The following EPC2 variants were observed in gnomAD, a reference collection of about 807,000 sequenced individuals.
EPC2 encodes enhancer of polycomb 2, also known as enhancer of polycomb homolog 2.
Under a neutral mutation model 92.1 loss-of-function variants are expected in EPC2, and 14 were observed. That is an observed-to-expected ratio of 0.15 (90% confidence interval 0.10 to 0.24). The LOEUF (loss-of-function observed/expected upper bound fraction) is 0.24, where lower values mean the gene tolerates loss of function less well. Ranked by LOEUF, EPC2 falls within the 10% of genes least tolerant of loss-of-function variation. The pLI is 1.00. For missense variants in EPC2, 755 were observed against 971.5 expected, an observed-to-expected ratio of 0.78 and a Z score of 2.96; for synonymous variants, 340 against 334.7, an observed-to-expected ratio of 1.02 and a Z score of -0.17.
At chr2:148,698,681 C>A (rs1432359258) in intron 2 of EPC2, among the ~76,000 whole-genome samples, 20 of 104,680 alleles carry the variant, frequency 1.9e-4, no homozygotes, top group East Asian at 7.1e-4. Flanking sequence ...CTGATAGAAA[C>A]TAAGAAAGTA....
Position 148,765,937 on chromosome 2 carries a change from G to C in EPC2, c.1140+791G>C, listed in dbSNP as rs559310217. ...TGTAGTCCCCGCTACTCCTGAGGCT[G>C]ATCCAGGAGAATGGCGTGCACCTGG... On this transcript the variant is annotated intron_variant, in intron 7 of 13. Coordinates refer to ENST00000258484, the MANE Select transcript of EPC2 (RefSeq NM_015630.4). 3.3e-5 allele frequency among the ~76,000 whole-genome samples: 5 copies of C among 152,296 alleles called. No homozygotes were observed. In the South Asian group the frequency reaches 1.0e-3, roughly 32 times the overall value.
chr2:148,676,846 A>G (rs951332689), intron 1 of EPC2, among the ~76,000 whole-genome samples: 1 of 132,810 alleles, frequency 7.5e-6, no homozygotes, highest in African/African-American at 2.9e-5. Context: ...GACCATTTTT[A>G]TATAGCCATT....
chr2:148,652,317 C>A (rs1416823822), intron 1 of EPC2, among the ~76,000 whole-genome samples: 1 of 152,104 alleles, frequency 6.6e-6, no homozygotes, highest in East Asian at 1.9e-4. Flanking sequence ...AATTTGTATA[C>A]TTAGTGTGTT....
At chr2:148,775,165 T>C (rs1412632883) in intron 10 of EPC2, among the ~76,000 whole-genome samples, 1 of 152,018 alleles carries the variant, frequency 6.6e-6, no homozygotes, top group African/African-American at 2.4e-5. Flanking sequence ...AGATTGATTG[T>C]GGTGAACATG....
chr2:148,764,792 A>G (rs998597328), intron 6 of EPC2, among the ~76,000 whole-genome samples, 163 bp from the exon 7 acceptor site: 2 of 152,236 alleles, frequency 1.3e-5, no homozygotes, highest in African/African-American at 4.8e-5. Flanking sequence ...AGAAAGTAAA[A>G]CATGTTTCAA....
chr2:148,707,679 T>C (rs1394271868), intron 2 of EPC2, among the ~76,000 whole-genome samples: 10 of 152,062 alleles, frequency 6.6e-5, no homozygotes, highest in Admixed American at 6.6e-4. Context: ...AAATTAGAAC[T>C]CAGGATTAAG....
intron 1 of EPC2, among the ~76,000 whole-genome samples, chr2:148,648,773 GAC>G (rs1683856594): frequency 6.6e-6 from 1 of 152,128 alleles, no homozygotes; most frequent in Admixed American, 6.5e-5. Flanking sequence ...GTTACATTCT[GAC>G]AATGCCTGGA....
intron 2 of EPC2, among the ~76,000 whole-genome samples, chr2:148,729,462 A>C (rs1682574385): frequency 6.6e-6 from 1 of 152,212 alleles, no homozygotes; most frequent in South Asian, 2.1e-4. Context: ...TGTCAGAAGT[A>C]CATTATTATT....
At chr2:148,667,346 T>C (rs1681075550) in intron 1 of EPC2, among the ~76,000 whole-genome samples, 1 of 152,220 alleles carries the variant, frequency 6.6e-6, no homozygotes, top group South Asian at 2.1e-4. Flanking sequence ...CACTGTTATG[T>C]TTCAAACCAG....
At chr2:148,756,489 C>T (rs867677077) in intron 4 of EPC2, among the ~76,000 whole-genome samples, 2 of 152,310 alleles carry the variant, frequency 1.3e-5, no homozygotes, top group African/African-American at 4.8e-5. Context: ...AAGTCAAAAA[C>T]ACTTGTGTAG....
At chr2:148,741,070 G>T (rs1247611762) in intron 2 of EPC2, among the ~76,000 whole-genome samples, 3 of 152,074 alleles carry the variant, frequency 2.0e-5, no homozygotes, top group Non-Finnish European at 4.4e-5. Context: ...TAAAAGATAA[G>T]AGAAAAATGC....
chr2:148,728,201 A>G (rs1212552024), intron 2 of EPC2, among the ~76,000 whole-genome samples: 2 of 152,128 alleles, frequency 1.3e-5, no homozygotes, highest in Non-Finnish European at 2.9e-5. Context: ...TCGGCCTCCC[A>G]AAATACTAGG....
At chr2:148,650,689 T>C (rs1454353017) in intron 1 of EPC2, among the ~76,000 whole-genome samples, 1 of 152,180 alleles carries the variant, frequency 6.6e-6, no homozygotes, top group Non-Finnish European at 1.5e-5. Context: ...ATAATCCTGA[T>C]TGATACCTTT....
intron 2 of EPC2, among the ~76,000 whole-genome samples, chr2:148,719,073 G>GT (rs982275660): frequency 5.9e-5 from 9 of 151,784 alleles, no homozygotes; most frequent in Admixed American, 2.0e-4. Context: ...CTCGTGTTGT[G>GT]TTTTTTTAAC....
intron 1 of EPC2, among the ~76,000 whole-genome samples, chr2:148,650,681 A>G (rs942985365): frequency 2.0e-5 from 3 of 152,160 alleles, no homozygotes; most frequent in African/African-American, 7.2e-5. Context: ...GTAGGAATAT[A>G]ATCCTGATTG....
intron 2 of EPC2, among the ~76,000 whole-genome samples, chr2:148,717,372 G>T (rs955686776): frequency 6.6e-6 from 1 of 152,028 alleles, no homozygotes; most frequent in African/African-American, 2.4e-5. Context: ...CTAGATGTGG[G>T]CATTTAGTGC....
chr2:148,670,330 A>C (rs563828854), intron 1 of EPC2, among the ~76,000 whole-genome samples: 25 of 150,356 alleles, frequency 1.7e-4, no homozygotes, highest in Non-Finnish European at 5.9e-5. Context: ...AATTTGGTCC[A>C]TGTTAACTCT....
intron 1 of EPC2, among the ~76,000 whole-genome samples, 185 bp from the exon 2 acceptor site, chr2:148,690,029 T>A (rs1475793323): frequency 6.6e-6 from 1 of 152,220 alleles, no homozygotes; most frequent in African/African-American, 2.4e-5. Context: ...TAAGGTGTTA[T>A]CAGTATGAGC....
At chr2:148,776,348 T>C (rs1234200187) in intron 10 of EPC2, among the ~76,000 whole-genome samples, 1 of 152,218 alleles carries the variant, frequency 6.6e-6, no homozygotes, top group African/African-American at 2.4e-5. Context: ...TGTAAATATT[T>C]GGCTTGGGTT....
Sources: allele counts gnomAD v4.1 joint callset (sites outside exome capture counted in the v4.1 genomes callset), GRCh38; gene constraint gnomAD v4.1.1; transcripts MANE v1.5; gene names NCBI Gene and HGNC (gene_info 2026-07-23, HGNC 2026-07-21).